SPEG: variants seen among roughly 807,000 people sequenced by gnomAD.
The protein encoded by SPEG is striated muscle enriched protein kinase, also known as striated muscle preferentially expressed protein kinase.
A neutral mutation model predicts 300.4 loss-of-function variants in SPEG; 114 were observed. The observed-to-expected ratio is 0.38, with a 90% confidence interval of 0.33 to 0.44. The LOEUF is 0.44. SPEG is among the 20% of genes least tolerant of loss of function. The pLI is 1.00. For synonymous variants in SPEG, 1,964 were observed against 2,018.9 expected (o/e 0.97, Z 0.73); for missense variants, 4,201 against 4,586.2 (o/e 0.92, Z 2.43).
rs374611044 is a variant in SPEG, at chr2:219,488,834, C to A, written c.8083C>A (p.Leu2695Met). 19 of 1,593,822 alleles carry A rather than the reference C, an allele frequency of 1.2e-5. No homozygotes were observed. Among genetic ancestry groups the A allele is most frequent in the Non-Finnish European group, 8.6e-6 (10 of 1,168,976 alleles). The change falls in exon 34 of 41, where the codon CTG (leucine) becomes ATG (methionine). Residue 2695 changes from leucine to methionine, a missense_variant. Physicochemically the swap from Leu to Met is conservative, Grantham distance 15. Around this residue, in one of 4 missense-constraint regions of SPEG, gnomAD observed 1,578 missense variants for 1,506.0 expected, o/e 1.05. Transcript: ENST00000312358. ...ACCCCAGACCTACCAGGACACGGCG[C>A]TGGTGCTGTGGAAGCCGGGAGACAG... is the stretch of plus-strand genomic sequence containing the variant. ...EVPQTYQDTA[L>M]VLWKPGDSRA...
Position 219,443,155 on chromosome 2 carries a change from G to A in SPEG, c.389-1498G>A. On this transcript the variant is annotated intron_variant, in intron 1 of 40. Transcript: ENST00000312358. This position sits in a 1 kb window ranked among gnomAD's most constrained non-coding sequence, Gnocchi z 4.6. ...CCTTTGGCCGACTCACCCATGGTGC[G>A]TGGACCGTGGGCGTCCTTGCTCTAG... The A allele has an allele frequency of 1.2e-6, 2 of 1,612,340 alleles. No individual in the cohort carries two copies. Among genetic ancestry groups the A allele is most frequent in the Non-Finnish European group, 8.5e-7 (1 of 1,179,452 alleles).
At chr2:219,441,481 C>G (rs1003550378) in intron 1 of SPEG, 4 of 468,214 alleles carry the variant, frequency 8.5e-6, no homozygotes, top group Non-Finnish European at 1.3e-5. Flanking sequence ...CCCCACCCGG[C>G]GCTGTGCCCT....
chr2:219,464,399 G>GGGCCCTGGGACTGAGTTCTTGCCCCTC lies in SPEG; in HGVS notation c.2706-33_2706-7dup. On this transcript the variant is annotated intron_variant, in intron 8 of 40. Transcript: ENST00000312358. The surrounding 1 kb of genome is among the most constrained non-coding windows in gnomAD (Gnocchi z 4.5). ...TCCTGTGCACGCACATCAGGCCCCT[G>GGGCCCTGGGACTGAGTTCTTGCCCCTC]GGCCCTGGGACTGAGTTCTTGCCCC... 1 of 1,591,202 alleles carries GGGCCCTGGGACTGAGTTCTTGCCCCTC rather than the reference G, an allele frequency of 6.3e-7. No homozygotes were observed. Among genetic ancestry groups the GGGCCCTGGGACTGAGTTCTTGCCCCTC allele is most frequent in the South Asian group, 1.1e-5 (1 of 88,816 alleles).
chr2:219,445,251 A>C lies in SPEG; in HGVS notation c.815+90A>C. Reference sequence around the variant, plus strand: ...ACTGCTCAGTCAGCCTCCACCCATCACCCTGCCCCATCCATCTCTCTGTGC... The same window carrying C: ...ACTGCTCAGTCAGCCTCCACCCATCCCCCTGCCCCATCCATCTCTCTGTGC... On this transcript the variant is annotated intron_variant, in intron 3 of 40. Transcript: ENST00000312358. This position sits in a 1 kb window ranked among gnomAD's most constrained non-coding sequence, Gnocchi z 6.1. 1 of 1,196,976 alleles carries C rather than the reference A, an allele frequency of 8.4e-7. No individual in the cohort carries two copies. Among genetic ancestry groups the C allele is most frequent in the Non-Finnish European group, 1.2e-6 (1 of 830,946 alleles). 74.1% of individuals were successfully genotyped at this position (1,196,976 alleles called of 1,614,324 possible).
At chr2:219,461,825 C>G in intron 6 of SPEG, 57 bp from the exon 7 acceptor site, 1 of 1,543,550 alleles carries the variant, frequency 6.5e-7, no homozygotes, top group Non-Finnish European at 8.9e-7. Context: ...TTCCAGCCAG[C>G]TCTCCCAGGC....
chr2:219,482,916 C>G lies in SPEG; in HGVS notation c.5634+64C>G, dbSNP rs1025740186. 1.4e-5 allele frequency: 22 copies of G among 1,532,252 alleles called. No homozygotes were observed. The African/African-American group carries it at 3.0e-4, about 21-fold the overall frequency. 94.9% of individuals were successfully genotyped at this position (1,532,252 alleles called of 1,614,324 possible). ...TCCTTTTCTCTAGCACTGCCTTCCC[C>G]CTCCCGTGGGCCTTCATCTCCTGCT... On this transcript the variant is annotated intron_variant, in intron 29 of 40. Transcript: ENST00000312358.
Position 219,443,674 on chromosome 2 carries a change from T to G in SPEG, c.389-979T>G. 3.1e-6 allele frequency: 1 copy of G among 318,664 alleles called. No homozygotes were observed. The highest frequency in any genetic ancestry group is 2.6e-5 in the South Asian group (1 of 37,978). The allele number at this position is 318,664 out of a possible 1,614,324, so 19.7% of individuals were successfully genotyped here. A position where few individuals can be genotyped will look rare whatever the true frequency, so the allele number is the denominator to read the frequency against. On this transcript the variant is annotated intron_variant, in intron 1 of 40. Coordinates refer to ENST00000312358, the MANE Select transcript of SPEG (RefSeq NM_005876.5). This position sits in a 1 kb window ranked among gnomAD's most constrained non-coding sequence, Gnocchi z 4.6. ...AAGAGGGGTCAAAGCACAATGCAAA[T>G]ATTGTAATAGAGGGTGGGCCTGACT...
At chr2:219,476,430 C>A (rs1692347337) in intron 18 of SPEG, among the ~76,000 whole-genome samples, 1 of 152,144 alleles carries the variant, frequency 6.6e-6, no homozygotes, top group South Asian at 2.1e-4. Context: ...TGAAGAAGGG[C>A]GGCCACCCAC....
rs780602197 is a variant in SPEG, at chr2:219,435,350, G to A, written c.373G>A (p.Val125Met). Residue 125 changes from valine (V) to methionine (M), a missense_variant, in exon 1 of 41, where the codon GTG (valine) becomes ATG (methionine). Val to Met is a conservative substitution (Grantham distance 21). Transcript: ENST00000312358. ...GGCCTCCTGCGAGGCGGTGCTCACAGTGCTGGAGGTCGGAGGTAAAGGGCA... is the reference window on the plus strand; with the variant it reads ...GGCCTCCTGCGAGGCGGTGCTCACAATGCTGGAGGTCGGAGGTAAAGGGCA... ...GRASCEAVLT[V>M]LEVGDSETAE... The A allele has an allele frequency of 3.3e-5, 50 of 1,538,334 alleles. No individual in the cohort carries two copies. The Admixed American group carries it at 8.7e-4, about 27-fold the overall frequency.
chr2:219,485,370 T>G lies in SPEG; in HGVS notation c.7634T>G (p.Leu2545Arg). ...GCCCCAGGGGAAAGCCGAAGCCGGC[T>G]CCGCTGGGGCTTCTCTCGGCCGCGG... ...SSAPGESRSR[L>R]RWGFSRPRKD... The change falls in exon 31 of 41, where the codon CTC (leucine) becomes CGC (arginine). Residue 2545 changes from leucine (L) to arginine (R), a missense_variant. Leu to Arg is a moderately radical substitution (Grantham distance 102). Coordinates refer to ENST00000312358, the MANE Select transcript of SPEG (RefSeq NM_005876.5). The G allele has an allele frequency of 1.2e-6, 2 of 1,606,240 alleles. No homozygotes were observed. The highest frequency in any genetic ancestry group is 1.7e-6 in the Non-Finnish European group (2 of 1,176,778).
Position 219,443,092 on chromosome 2 carries a change from G to T in SPEG, c.389-1561G>T. The stretch of plus-strand genomic sequence containing the variant: ...AGCCTCCCCCTCAACTACTCATTCT[G>T]GCTTTTCTCTTTCAGAAAACCGGCC... On this transcript the variant is annotated intron_variant, in intron 1 of 40. Coordinates refer to ENST00000312358, the MANE Select transcript of SPEG (RefSeq NM_005876.5). The surrounding 1 kb of genome is among the most constrained non-coding windows in gnomAD (Gnocchi z 4.6). 6.2e-7 allele frequency: 1 copy of T among 1,611,614 alleles called. No homozygotes were observed. Among genetic ancestry groups the T allele is most frequent in the Non-Finnish European group, 8.5e-7 (1 of 1,179,212 alleles).
In SPEG at chr2:219,449,089, C is replaced by T; in HGVS notation, c.1931C>T (p.Ala644Val). 1 of 1,503,302 alleles carries T rather than the reference C, an allele frequency of 6.7e-7. No homozygotes were observed. The highest frequency in any genetic ancestry group is 8.9e-7 in the Non-Finnish European group (1 of 1,127,084). 93.1% of individuals were successfully genotyped at this position (1,503,302 alleles called of 1,614,324 possible). ...CAGGCCGTGCGCTTCCTGCCCTGGG[C>T]CACGCCGGGCCTGGAGGGCGCTGCT... ...PAQAVRFLPW[A>V]TPGLEGAAVP... The change falls in exon 4 of 41, where the codon GCC (alanine) becomes GTC (valine). Residue 644 changes from alanine to valine, a missense_variant. Ala to Val is a moderately conservative substitution (Grantham distance 64, BLOSUM62 0). Coordinates refer to ENST00000312358, the MANE Select transcript of SPEG (RefSeq NM_005876.5).
intron 11 of SPEG, 40 bp from the exon 12 acceptor site, chr2:219,468,819 C>T (rs1389151486): frequency 1.2e-6 from 2 of 1,607,444 alleles, no homozygotes; most frequent in Admixed American, 3.3e-5. Context: ...CAGGGCCCCT[C>T]ACTGTGCCTG....
Position 219,451,183 on chromosome 2 carries a change from G to A in SPEG, c.2161G>A (p.Ala721Thr), listed in dbSNP as rs368756743. Residue 721 changes from alanine to threonine, a missense_variant, in exon 5 of 41, where the codon GCC becomes ACC. This residue lies in a region of SPEG where 1,258 missense variants were observed against 1,293.9 expected (regional missense o/e 0.97). Coordinates refer to ENST00000312358, the MANE Select transcript of SPEG (RefSeq NM_005876.5). The surrounding 1 kb of genome is among the most constrained non-coding windows in gnomAD (Gnocchi z 6.4). ...GTCCGCTGGAGAAGAGCCCCTAGAG[G>A]CCCCTGTGTTTGAGATCCCCCTGCA... ...YVSAGEEPLE[A>T]PVFEIPLQNV... 251 of 1,613,854 alleles carry A rather than the reference G, an allele frequency of 1.6e-4. No homozygotes were observed. The highest frequency in any genetic ancestry group is 2.0e-4 in the Non-Finnish European group (236 of 1,179,994).
At chr2:219,468,277 C>T (rs1296793177) in intron 10 of SPEG, among the ~76,000 whole-genome samples, 1 of 147,290 alleles carries the variant, frequency 6.8e-6, no homozygotes, top group African/African-American at 2.5e-5. Flanking sequence ...GGCTGTGCTT[C>T]ATCCAGGGTG....
rs1693052313 is a variant in SPEG, at chr2:219,483,397, G to A, written c.5934G>A (p.Arg1978=). ...CCATGGACTGGCAGGAGCAGGGAAG[G>A]GCTCCCTCTCAGGACCAGGAGGCTC... is the stretch of plus-strand genomic sequence containing the variant. ...ATPMDWQEQG[R]APSQDQEAPS... The change falls in exon 30 of 41, where the codon AGG becomes AGA. Residue 1978 remains arginine, a synonymous_variant. Coordinates refer to ENST00000312358, the MANE Select transcript of SPEG (RefSeq NM_005876.5). The A allele has an allele frequency of 1.9e-6, 3 of 1,594,440 alleles. No individual in the cohort carries two copies. Among genetic ancestry groups the A allele is most frequent in the South Asian group, 2.3e-5 (2 of 88,632 alleles).
chr2:219,491,873 A>G lies in SPEG; in HGVS notation c.9461+4A>G. On this transcript the variant is annotated splice_donor_region_variant and intron_variant, in intron 39 of 40. Coordinates refer to ENST00000312358, the MANE Select transcript of SPEG (RefSeq NM_005876.5). ...CGGGTGTGCTCACTTACATTATGTG[A>G]GTGTCCCCTACCCCACCGCAGCCCT... 1 of 1,597,178 alleles carries G rather than the reference A, an allele frequency of 6.3e-7. No individual in the cohort carries two copies. The highest frequency in any genetic ancestry group is 8.5e-7 in the Non-Finnish European group (1 of 1,169,672).
In SPEG at chr2:219,488,258, C is replaced by A. The variant is rs775678020; in HGVS notation, c.7806C>A (p.Thr2602=). ...TGCTGCTGGAGGGGGAGGCAGCCAC[C>A]CTGCTCTGCCTGCCAGCGGCCTGCC... The part of the protein sequence containing the change: ...DQVLLEGEAA[T]LLCLPAACPA... The change falls in exon 32 of 41, where the codon ACC becomes ACA. Residue 2602 remains threonine, a synonymous_variant. Coordinates refer to ENST00000312358, the MANE Select transcript of SPEG (RefSeq NM_005876.5). The A allele has an allele frequency of 5.6e-6, 9 of 1,613,554 alleles. No individual in the cohort carries two copies. The highest frequency in any genetic ancestry group is 6.8e-6 in the Non-Finnish European group (8 of 1,179,860).
rs755852852 is a variant in SPEG at position 219,489,399 on chromosome 2, C to T, written c.8381C>T (p.Ala2794Val). 20 of 1,613,392 alleles carry T rather than the reference C, an allele frequency of 1.2e-5. No individual in the cohort carries two copies. The highest frequency in any genetic ancestry group is 1.6e-5 in the Non-Finnish European group (19 of 1,179,766). Residue 2794 changes from alanine to valine, a missense_variant, in exon 36 of 41, where the codon GCC becomes GTC. Physicochemically the swap from Ala to Val is moderately conservative, Grantham distance 64 (BLOSUM62 0). Coordinates refer to ENST00000312358, the MANE Select transcript of SPEG (RefSeq NM_005876.5). ...CCTGTCACCTCAAGGCCAGCCAGGGCCCGGCCTCCTGACTCTCCTACCTCA... is the reference window on the plus strand; with the variant it reads ...CCTGTCACCTCAAGGCCAGCCAGGGTCCGGCCTCCTGACTCTCCTACCTCA... Reference protein sequence around the residue: ...EAPVTSRPARARPPDSPTSLA... With the variant: ...EAPVTSRPARVRPPDSPTSLA...
Sources: allele counts gnomAD v4.1 joint callset (sites outside exome capture counted in the v4.1 genomes callset), GRCh38; gene constraint gnomAD v4.1.1; regional missense constraint gnomAD v4.1.1; non-coding constraint Gnocchi (gnomAD v3.1); transcripts MANE v1.5; gene names NCBI Gene and HGNC (gene_info 2026-07-23, HGNC 2026-07-21).